The following PM20D2 variants were observed in gnomAD, a reference collection of about 807,000 sequenced individuals.
PM20D2 encodes xaa-Arg dipeptidase.
PM20D2 carries 33 observed loss-of-function variants against 42.9 expected under a neutral mutation model. The ratio of observed to expected loss-of-function variants is 0.77; its 90% confidence interval spans 0.58 to 1.03. The LOEUF is 1.03. PM20D2 is among the 50% of genes least tolerant of loss of function. PM20D2 has a pLI of 0.00. For missense variants in PM20D2, 548 were observed against 557.0 expected (o/e 0.98, Z 0.16); for synonymous variants, 250 against 228.2 (o/e 1.10, Z -0.86).
the PM20D2 span, among the ~76,000 whole-genome samples, chr6:89,119,663 G>A: frequency 6.6e-6 from 1 of 152,128 alleles, no homozygotes; most frequent in African/African-American, 2.4e-5. Flanking sequence ...CCAGGTGTCC[G>A]CAGGGCCATC....
chr6:89,106,148 T>G, the PM20D2 span, among the ~76,000 whole-genome samples: 1 of 152,144 alleles, frequency 6.6e-6, no homozygotes, highest in Non-Finnish European at 1.5e-5. Context: ...GAGATGGAGT[T>G]TCCCTCTTGT....
At chr6:89,107,083 C>A in the PM20D2 span, 2 of 1,286,464 alleles carry the variant, frequency 1.6e-6, no homozygotes, top group Non-Finnish European at 2.3e-6. Flanking sequence ...ATAACATATG[C>A]TACTGAATAC....
chr6:89,154,896 G>T lies in PM20D2; in HGVS notation c.906G>T (p.Gly302=), dbSNP rs769692169. 3.1e-6 allele frequency: 5 copies of T among 1,587,898 alleles called. No individual in the cohort carries two copies. The Admixed American group carries it at 9.3e-5, about 29-fold the overall frequency. The change falls in exon 4 of 7, where the codon GGG becomes GGT. Residue 302 remains glycine, a synonymous_variant. Transcript: ENST00000275072. ...TCAGAGCTGCAGCTTTGGCTTCAGG[G>T]TGCACAGTAAGAACTTTTAAAAGTT... ...DCFRAAALAS[G]CTVEIKGGAH...
the PM20D2 span, chr6:89,097,579 C>T: frequency 6.6e-6 from 1 of 151,930 alleles, no homozygotes; most frequent in African/African-American, 2.4e-5. Flanking sequence ...GTCTCAATCT[C>T]CTGGCCTCAA....
chr6:89,122,688 G>C, the PM20D2 span, among the ~76,000 whole-genome samples: 1 of 152,182 alleles, frequency 6.6e-6, no homozygotes, highest in Admixed American at 6.5e-5. Context: ...AGGTATTAGT[G>C]TCTTGAAATT....
At chr6:89,112,212 G>A in the PM20D2 span, among the ~76,000 whole-genome samples, 3 of 151,800 alleles carry the variant, frequency 2.0e-5, no homozygotes, top group African/African-American at 4.8e-5. Flanking sequence ...CACCTCTCCC[G>A]GCCTAAAACT....
the PM20D2 span, chr6:89,105,499 G>A: frequency 6.2e-7 from 1 of 1,609,372 alleles, no homozygotes; most frequent in Non-Finnish European, 8.5e-7. Context: ...AGGTTATAAA[G>A]AGCATCTTCA....
intron 6 of PM20D2, 87 bp from the exon 7 acceptor site, chr6:89,162,022 G>A (rs776817494): frequency 5.3e-6 from 8 of 1,519,624 alleles, no homozygotes; most frequent in Non-Finnish European, 7.2e-6. Flanking sequence ...GGCAGTTGGA[G>A]AGCCAGTTGA....
the PM20D2 span, among the ~76,000 whole-genome samples, chr6:89,112,451 T>TC: frequency 2.0e-5 from 3 of 149,886 alleles, no homozygotes; most frequent in East Asian, 5.9e-4. Flanking sequence ...TTCTTTCTTT[T>TC]TTTTTTTTTT....
At chr6:89,120,836 G>A in the PM20D2 span, among the ~76,000 whole-genome samples, 1 of 152,132 alleles carries the variant, frequency 6.6e-6, no homozygotes, top group African/African-American at 2.4e-5. Flanking sequence ...TTGTGCCAGT[G>A]CACTGCATTC....
chr6:89,138,634 G>A, the PM20D2 span, among the ~76,000 whole-genome samples: 20 of 152,220 alleles, frequency 1.3e-4, no homozygotes, highest in Admixed American at 9.2e-4. Context: ...AATCACAAAG[G>A]CGGGCAGATC....
intron 4 of PM20D2, 60 bp from the exon 5 acceptor site, chr6:89,158,264 GA>G: frequency 6.9e-7 from 1 of 1,450,240 alleles, no homozygotes. Context: ...TCACTGGTTT[GA>G]AAATTAGATA....
At chr6:89,145,963 G>C, upstream of PM20D2, 1 of 459,242 alleles carries the variant, frequency 2.2e-6, no homozygotes, top group South Asian at 8.0e-5. Context: ...ACGAGCGGCC[G>C]CCAGCGTTTC....
At chr6:89,118,261 T>G in the PM20D2 span, among the ~76,000 whole-genome samples, 1 of 151,874 alleles carries the variant, frequency 6.6e-6, no homozygotes, top group African/African-American at 2.4e-5. Context: ...AGAGGGGGCT[T>G]GAGGCCGCGG....
At chr6:89,145,155 A>G (rs77351215), upstream of PM20D2, among the ~76,000 whole-genome samples, 271 of 152,338 alleles carry the variant, frequency 1.8e-3, no homozygotes, top group African/African-American at 6.3e-3. Flanking sequence ...AAACATCTAC[A>G]GTGTTATTAA....
upstream of PM20D2, chr6:89,145,917 CA>C (rs1448834171): frequency 1.0e-5 from 4 of 396,966 alleles, no homozygotes; most frequent in African/African-American, 6.3e-5. Context: ...ACAGCACCCC[CA>C]AAACCCCACG....
the PM20D2 span, among the ~76,000 whole-genome samples, chr6:89,094,856 C>G: frequency 6.7e-6 from 1 of 149,724 alleles, no homozygotes; most frequent in South Asian, 2.1e-4. Flanking sequence ...GAAACTGAGG[C>G]TCACAGATGT....
chr6:89,117,986 G>A, the PM20D2 span: 39 of 1,320,440 alleles, frequency 3.0e-5, no homozygotes, highest in Non-Finnish European at 3.7e-5. Context: ...GCCGGCCCCC[G>A]GCGCGACCCC....
At chr6:89,107,956 A>G in the PM20D2 span, among the ~76,000 whole-genome samples, 1 of 152,168 alleles carries the variant, frequency 6.6e-6, no homozygotes, top group African/African-American at 2.4e-5. Context: ...GAACACATTC[A>G]TTTTGCTTCA....
Sources: gnomAD v4.1 joint callset for allele counts (sites outside exome capture counted in the v4.1 genomes callset) on GRCh38, gnomAD v4.1.1 for gene constraint, MANE v1.5 for transcripts, NCBI Gene and HGNC (gene_info 2026-07-23, HGNC 2026-07-21) for gene names.